The following SLC4A7 variants were observed in gnomAD, a reference collection of about 807,000 sequenced individuals.
SLC4A7 encodes sodium bicarbonate cotransporter 3.
A neutral mutation model predicts 137.6 loss-of-function variants in SLC4A7; 51 were observed. That is an observed-to-expected ratio of 0.37 (90% CI 0.30 to 0.47). SLC4A7 has a LOEUF of 0.47. SLC4A7 is among the 20% of genes least tolerant of loss of function. SLC4A7 has a pLI of 1.00. For synonymous variants in SLC4A7, 542 were observed against 518.6 expected (o/e 1.05, Z -0.61); for missense variants, 1,247 against 1,525.4 (o/e 0.82, Z 3.04).
chr3:27,374,508 A>T lies in SLC4A7; in HGVS notation c.*2256T>A, dbSNP rs994991159. ...TGGAAGAAATATAATCACTTAAAAC[A>T]AGCAGTTAATTACCTAAACATGAGT... is the stretch of plus-strand genomic sequence containing the variant. On this transcript the variant is annotated 3_prime_UTR_variant, in exon 26 of 26. Transcript: ENST00000454389. The T allele has an allele frequency of 6.6e-6, 1 of 152,536 alleles. No individual in the cohort carries two copies. The highest frequency in any genetic ancestry group is 6.5e-5 in the Admixed American group (1 of 15,276). The allele number at this position is 152,536 out of a possible 1,614,324, so 9.4% of individuals were successfully genotyped here.
In SLC4A7 at chr3:27,398,720, G is replaced by A. The variant is rs186076154; in HGVS notation, c.2428-367C>T. 2.2e-3 allele frequency among the ~76,000 whole-genome samples: 339 copies of A among 152,056 alleles called. 2 individuals are homozygous for A. Among genetic ancestry groups the A allele is most frequent in the African/African-American group, 7.6e-3 (314 of 41,476 alleles). On this transcript the variant is annotated intron_variant, in intron 16 of 25. Transcript: ENST00000454389. ...ATTCTTGCTTGTCCACAATTTTACCGCTTTTCGTTTCTGAACAAGTGGTTT... is the reference window on the plus strand; with the variant it reads ...ATTCTTGCTTGTCCACAATTTTACCACTTTTCGTTTCTGAACAAGTGGTTT...
At chr3:27,440,739 C>CA (rs1310399056) in intron 3 of SLC4A7, among the ~76,000 whole-genome samples, 1 of 149,340 alleles carries the variant, frequency 6.7e-6, no homozygotes, top group Non-Finnish European at 1.5e-5. Context: ...AAAATAAAAA[C>CA]AAAAATAAAT....
chr3:27,380,200 G>C (rs1459680721), intron 24 of SLC4A7, among the ~76,000 whole-genome samples: 1 of 151,846 alleles, frequency 6.6e-6, no homozygotes, highest in African/African-American at 2.4e-5. Context: ...CCAGCTACTT[G>C]GGAGGCTGAG....
rs868322420 is a variant in SLC4A7 at position 27,479,546 on chromosome 3, C to A, written c.60+4521G>T. Among the ~76,000 whole-genome samples, 54 of 152,270 alleles carry A rather than the reference C, an allele frequency of 3.5e-4. No homozygotes were observed. In the Middle Eastern group the frequency reaches 0.01, roughly 29 times the overall value. On this transcript the variant is annotated intron_variant, in intron 1 of 25. Transcript: ENST00000454389. ...CTACTCTAATCAGCTAGCCCTCTGCCTTAAGGAAGATTGTCAACAGCAACA... is the reference window on the plus strand; with the variant it reads ...CTACTCTAATCAGCTAGCCCTCTGCATTAAGGAAGATTGTCAACAGCAACA...
intron 1 of SLC4A7, among the ~76,000 whole-genome samples, chr3:27,478,954 G>A (rs537443702): frequency 2.0e-5 from 3 of 151,080 alleles, no homozygotes; most frequent in South Asian, 2.1e-4. Flanking sequence ...GCCGTGAGTC[G>A]AGATCGCACC....
chr3:27,466,053 G>C (rs1231427003), intron 1 of SLC4A7, among the ~76,000 whole-genome samples: 1 of 152,024 alleles, frequency 6.6e-6, no homozygotes, highest in Non-Finnish European at 1.5e-5. Context: ...TTACAGATGG[G>C]AAATTACTTT....
intron 3 of SLC4A7, among the ~76,000 whole-genome samples, chr3:27,445,136 C>T (rs1305515166): frequency 6.6e-6 from 1 of 152,188 alleles, no homozygotes; most frequent in Non-Finnish European, 1.5e-5. Flanking sequence ...TGTGAAAGTA[C>T]AGAAAGTGCT....
chr3:27,481,499 G>A (rs1233934434), intron 1 of SLC4A7, among the ~76,000 whole-genome samples: 2 of 152,178 alleles, frequency 1.3e-5, no homozygotes, highest in Non-Finnish European at 2.9e-5. Flanking sequence ...GCGAGTTAGA[G>A]TTATGACTGA....
At chr3:27,483,709 G>A (rs1001442420) in intron 1 of SLC4A7, among the ~76,000 whole-genome samples, 5 of 152,194 alleles carry the variant, frequency 3.3e-5, no homozygotes, top group Non-Finnish European at 4.4e-5. Flanking sequence ...GACCCCGCCT[G>A]GGGAGCGCGC....
intron 21 of SLC4A7, 99 bp downstream of exon 21, chr3:27,391,641 G>T: frequency 1.4e-6 from 1 of 710,678 alleles, no homozygotes; most frequent in Non-Finnish European, 2.4e-6. Context: ...CCCTCAAAAT[G>T]TCAGAGTTGA....
chr3:27,433,798 A>G (rs2056512080), intron 6 of SLC4A7, 118 bp downstream of exon 6: 1 of 772,764 alleles, frequency 1.3e-6, no homozygotes, highest in Non-Finnish European at 2.2e-6. Context: ...AGGAAGGAGA[A>G]GTAATTCAGA....
At chr3:27,402,855 C>A (rs2150154692) in intron 15 of SLC4A7, among the ~76,000 whole-genome samples, 1 of 103,008 alleles carries the variant, frequency 9.7e-6, no homozygotes, top group Non-Finnish European at 2.6e-5. Flanking sequence ...GATCAGTTGC[C>A]AATCAAATTT....
intron 1 of SLC4A7, among the ~76,000 whole-genome samples, chr3:27,473,578 C>T (rs549495881): frequency 5.3e-5 from 8 of 151,280 alleles, no homozygotes; most frequent in African/African-American, 1.2e-4. Context: ...TGTGGTGGTG[C>T]GTGCCTGTAG....
chr3:27,475,404 T>C (rs2059423222), intron 1 of SLC4A7, among the ~76,000 whole-genome samples: 1 of 151,366 alleles, frequency 6.6e-6, no homozygotes, highest in African/African-American at 2.4e-5. Flanking sequence ...GATTCAAAGC[T>C]GTCAGTTGCC....
At chr3:27,407,677 T>C (rs1476911741) in intron 13 of SLC4A7, among the ~76,000 whole-genome samples, 2 of 152,148 alleles carry the variant, frequency 1.3e-5, no homozygotes, top group Non-Finnish European at 2.9e-5. Context: ...ACCTCTAGTT[T>C]GGTTTTCACA....
At chr3:27,462,950 G>A (rs956777726) in intron 1 of SLC4A7, 6 of 152,234 alleles carry the variant, frequency 3.9e-5, no homozygotes, top group African/African-American at 1.2e-4. Flanking sequence ...TATGAACAAC[G>A]AGTTACAATT....
Position 27,418,639 on chromosome 3 carries a change from GA to G in SLC4A7, c.1513-8del. 1.9e-6 allele frequency: 3 copies of G among 1,541,792 alleles called. No individual in the cohort carries two copies. Among genetic ancestry groups the G allele is most frequent in the Non-Finnish European group, 1.8e-6 (2 of 1,130,008 alleles). Reference sequence around the variant, plus strand: ...AAGCTACATCATGGAAAATCTAAGTGAAAAAAATATTGAGTAAAAGATTTTA... The same window carrying G: ...AAGCTACATCATGGAAAATCTAAGTGAAAAAATATTGAGTAAAAGATTTTA... On this transcript the variant is annotated splice_region_variant and splice_polypyrimidine_tract_variant and intron_variant, in intron 10 of 25. Transcript: ENST00000454389.
intron 7 of SLC4A7, among the ~76,000 whole-genome samples, chr3:27,431,022 C>T (rs1044700240): frequency 1.3e-5 from 2 of 152,136 alleles, no homozygotes; most frequent in East Asian, 3.8e-4. Flanking sequence ...AATAATCTTA[C>T]TCTTTTTTAT....
intron 14 of SLC4A7, among the ~76,000 whole-genome samples, chr3:27,403,927 CTAT>C (rs1328340805): frequency 6.6e-6 from 1 of 152,176 alleles, no homozygotes; most frequent in Non-Finnish European, 1.5e-5. Context: ...ACTGCATTCT[CTAT>C]TAGTCTATGT....
Sources: allele counts gnomAD v4.1 joint callset (sites outside exome capture counted in the v4.1 genomes callset), GRCh38; gene constraint gnomAD v4.1.1; transcripts MANE v1.5; gene names NCBI Gene and HGNC (gene_info 2026-07-23, HGNC 2026-07-21).